Variants in RGS7 observed in about 807,000 individuals in gnomAD.
RGS7 encodes the protein regulator of G protein signaling 7.
In RGS7, 27 loss-of-function variants were observed where a neutral mutation model predicts 81.1. The ratio of observed to expected loss-of-function variants is 0.33; its 90% CI spans 0.25 to 0.46. The LOEUF (loss-of-function observed/expected upper bound fraction) is 0.46, where lower values mean the gene tolerates loss of function less well. Ranked by LOEUF, RGS7 falls within the 20% of genes least tolerant of loss-of-function variation. RGS7 has a pLI of 1.00. For missense variants in RGS7, 396 were observed against 607.4 expected (o/e 0.65, Z 3.66); for synonymous variants, 208 against 207.7 (o/e 1.00, Z -0.01).
intron 2 of RGS7, among the ~76,000 whole-genome samples, chr1:241,273,140 A>T (rs1309168044): frequency 6.6e-6 from 1 of 151,112 alleles, no homozygotes; most frequent in Non-Finnish European, 1.5e-5. Context: ...TATTATAGGT[A>T]AAGTATTATT....
intron 2 of RGS7, among the ~76,000 whole-genome samples, chr1:241,325,787 G>C (rs557599755): frequency 6.6e-6 from 1 of 152,122 alleles, no homozygotes; most frequent in Non-Finnish European, 1.5e-5. Context: ...CAAATATTGA[G>C]ACACATACAG....
chr1:241,054,329 A>G (rs931692970), intron 3 of RGS7, among the ~76,000 whole-genome samples: 1 of 152,202 alleles, frequency 6.6e-6, no homozygotes, highest in African/African-American at 2.4e-5. Flanking sequence ...CTCATAACAC[A>G]GAAGGCAGCC....
At chr1:241,010,035 C>T (rs115942169) in intron 3 of RGS7, among the ~76,000 whole-genome samples, 20,636 of 151,764 alleles carry the variant, frequency 0.14, 1,627 homozygotes, top group Non-Finnish European at 0.18. Flanking sequence ...GGCCTGTCAG[C>T]GGGTGTGGGG....
chr1:240,956,821 C>T (rs956472017), intron 4 of RGS7, among the ~76,000 whole-genome samples: 2 of 152,002 alleles, frequency 1.3e-5, no homozygotes, highest in Non-Finnish European at 2.9e-5. Context: ...GATTTTCCTC[C>T]CCCAAACCCA....
chr1:241,354,261 C>T (rs2083425059), intron 2 of RGS7, among the ~76,000 whole-genome samples: 3 of 152,128 alleles, frequency 2.0e-5, no homozygotes, highest in Non-Finnish European at 2.9e-5. Context: ...TCAAAACCAA[C>T]TCTAAATAGA....
chr1:241,101,594 A>G (rs1208252925), intron 2 of RGS7, among the ~76,000 whole-genome samples: 1 of 152,102 alleles, frequency 6.6e-6, no homozygotes, highest in Non-Finnish European at 1.5e-5. Context: ...CAAATACCCC[A>G]CTTCTTTTGT....
intron 2 of RGS7, among the ~76,000 whole-genome samples, chr1:241,254,010 C>T (rs2076944278): frequency 6.6e-6 from 1 of 151,864 alleles, no homozygotes; most frequent in African/African-American, 2.4e-5. Context: ...AAAATCCTGG[C>T]TAACACGATG....
At chr1:241,230,061 T>A (rs2075565701) in intron 2 of RGS7, among the ~76,000 whole-genome samples, 1 of 119,682 alleles carries the variant, frequency 8.4e-6, no homozygotes, top group African/African-American at 3.3e-5. Context: ...TCAATTTATA[T>A]TTAAGTTTTT....
intron 3 of RGS7, among the ~76,000 whole-genome samples, chr1:241,013,170 C>G (rs1389970969): frequency 1.3e-5 from 2 of 149,396 alleles, no homozygotes; most frequent in Non-Finnish European, 3.0e-5. Flanking sequence ...TCAAGCGATT[C>G]TCGTGCCTCA....
At chr1:240,918,067 T>C (rs1265834152) in intron 6 of RGS7, among the ~76,000 whole-genome samples, 2 of 152,218 alleles carry the variant, frequency 1.3e-5, no homozygotes, top group Non-Finnish European at 2.9e-5. Flanking sequence ...ACAACCTTAA[T>C]GTGTATGTGC....
intron 2 of RGS7, among the ~76,000 whole-genome samples, chr1:241,166,981 CTG>C (rs1318643253): frequency 6.6e-6 from 1 of 152,192 alleles, no homozygotes; most frequent in Non-Finnish European, 1.5e-5. Flanking sequence ...ACTTTCTGGC[CTG>C]TGTTTCCCAT....
intron 2 of RGS7, among the ~76,000 whole-genome samples, chr1:241,229,894 T>C (rs2075553301): frequency 6.6e-6 from 1 of 152,198 alleles, no homozygotes; most frequent in African/African-American, 2.4e-5. Flanking sequence ...CCTCCTACCT[T>C]AAAACCATAG....
At chr1:241,249,264 C>T (rs1025305043) in intron 2 of RGS7, among the ~76,000 whole-genome samples, 5 of 151,416 alleles carry the variant, frequency 3.3e-5, no homozygotes, top group African/African-American at 1.2e-4. Context: ...ATATGATTCA[C>T]TTTGAGTCAA....
intron 2 of RGS7, among the ~76,000 whole-genome samples, chr1:241,225,756 T>A (rs1456382898): frequency 2.6e-5 from 4 of 152,228 alleles, no homozygotes; most frequent in African/African-American, 9.6e-5. Context: ...GCTTGGTTAT[T>A]TCTAACTTGT....
At chr1:241,319,644 C>T (rs754603192) in intron 2 of RGS7, among the ~76,000 whole-genome samples, 14 of 152,026 alleles carry the variant, frequency 9.2e-5, no homozygotes, top group Admixed American at 5.2e-4. Context: ...CCTGCCTCAG[C>T]GTCCCAAAAT....
rs58020997 is a variant in RGS7 at position 241,309,597 on chromosome 1, T to C, written c.78+46102A>G. On this transcript the variant is annotated intron_variant, in intron 2 of 18. Coordinates refer to ENST00000440928, the MANE Select transcript of RGS7 (RefSeq NM_001364886.1). ...CATTTGCCACTCGACAGGAAAGATATAGACAATAAAGTCATCCTTTAAGGT... is the reference window on the plus strand; with the variant it reads ...CATTTGCCACTCGACAGGAAAGATACAGACAATAAAGTCATCCTTTAAGGT... Among the ~76,000 whole-genome samples, 1,200 of 152,256 alleles carry C rather than the reference T, an allele frequency of 7.9e-3. 22 individuals are homozygous for C. The highest frequency in any genetic ancestry group is 0.028 in the African/African-American group (1,152 of 41,536).
intron 2 of RGS7, among the ~76,000 whole-genome samples, chr1:241,335,256 T>C (rs2082178218): frequency 6.6e-6 from 1 of 152,202 alleles, no homozygotes; most frequent in Admixed American, 6.5e-5. Context: ...ACATGCACAT[T>C]TCACAAATGT....
Position 241,031,653 on chromosome 1 carries a change from T to C in RGS7, c.176-48524A>G, listed in dbSNP as rs183837940. 3.8e-3 allele frequency among the ~76,000 whole-genome samples: 583 copies of C among 152,364 alleles called. 5 individuals are homozygous for C. The highest frequency in any genetic ancestry group is 0.02 in the Middle Eastern group (6 of 294). The stretch of plus-strand genomic sequence containing the variant: ...CCAACATCTCTTATTTTTTTGACTT[T>C]TTATAATAGCCATTCAGACTGGTGT... On this transcript the variant is annotated intron_variant, in intron 3 of 18. Transcript: ENST00000440928.
chr1:241,184,360 G>A (rs763344382), intron 2 of RGS7, among the ~76,000 whole-genome samples: 2 of 152,106 alleles, frequency 1.3e-5, no homozygotes, highest in Non-Finnish European at 2.9e-5. Context: ...TAACCTGTAA[G>A]TACCTAACCA....
Sources: gnomAD v4.1 joint callset for allele counts (sites outside exome capture counted in the v4.1 genomes callset) on GRCh38, gnomAD v4.1.1 for gene constraint, MANE v1.5 for transcripts, NCBI Gene and HGNC (gene_info 2026-07-23, HGNC 2026-07-21) for gene names.